C12orf42: variants seen among roughly 807,000 people sequenced by gnomAD.
The protein encoded by C12orf42 is chromosome 12 open reading frame 42.
Under a neutral mutation model 21.6 loss-of-function variants are expected in C12orf42, and 25 were observed. The ratio of observed to expected loss-of-function variants is 1.16; its 90% CI spans 0.84 to 1.62. C12orf42 has a LOEUF of 1.62. Ranked by LOEUF, C12orf42 falls within the 40% of genes most tolerant of loss-of-function variation. The pLI, the probability that C12orf42 is intolerant of heterozygous loss-of-function variation, is 0.00. For synonymous variants in C12orf42, 174 were observed against 175.0 expected (o/e 0.99, Z 0.05); for missense variants, 483 against 459.3 (o/e 1.05, Z -0.47).
chr12:103,192,078 A>T, the C12orf42 span, among the ~76,000 whole-genome samples: 4 of 152,238 alleles, frequency 2.6e-5, no homozygotes, highest in African/African-American at 9.6e-5. Flanking sequence ...GAACAAAAGA[A>T]CACAAACAGA....
chr12:103,543,822 T>C, the C12orf42 span, among the ~76,000 whole-genome samples: 1 of 152,132 alleles, frequency 6.6e-6, no homozygotes, highest in Admixed American at 6.5e-5. Flanking sequence ...AATATCTTTA[T>C]TATGCCACAA....
At chr12:103,487,207 T>C (rs989041790) in intron 1 of C12orf42, among the ~76,000 whole-genome samples, 5 of 152,220 alleles carry the variant, frequency 3.3e-5, no homozygotes, top group African/African-American at 7.2e-5. Context: ...TTCATTTCGT[T>C]ATTTACCCAG....
the C12orf42 span, among the ~76,000 whole-genome samples, chr12:103,161,138 C>T: frequency 6.6e-6 from 1 of 152,190 alleles, no homozygotes; most frequent in African/African-American, 2.4e-5. Context: ...GCTTTCCACT[C>T]TTGTGATTGC....
chr12:103,392,099 G>T (rs2047130186), intron 3 of C12orf42, among the ~76,000 whole-genome samples: 1 of 152,132 alleles, frequency 6.6e-6, no homozygotes, highest in Non-Finnish European at 1.5e-5. Flanking sequence ...TCCATTGAAT[G>T]ATCTTGGCAT....
chr12:103,483,606 C>T (rs531110903), intron 1 of C12orf42, among the ~76,000 whole-genome samples: 2 of 152,002 alleles, frequency 1.3e-5, no homozygotes, highest in South Asian at 4.2e-4. Context: ...AATCAAGCAG[C>T]CGTTTTTTTG....
intron 2 of C12orf42, among the ~76,000 whole-genome samples, chr12:103,474,452 G>GTATA (rs771163443): frequency 7.6e-6 from 1 of 130,908 alleles, no homozygotes; most frequent in African/African-American, 3.2e-5. Context: ...ATGTATGTAT[G>GTATA]TATGTGTGTG....
intron 2 of C12orf42, among the ~76,000 whole-genome samples, chr12:103,462,575 T>A (rs1221287142): frequency 6.6e-6 from 1 of 152,168 alleles, no homozygotes; most frequent in African/African-American, 2.4e-5. Context: ...ACAAAATATA[T>A]GTGTGCAAAG....
At chr12:103,056,639 T>C in the C12orf42 span, among the ~76,000 whole-genome samples, 1 of 152,162 alleles carries the variant, frequency 6.6e-6, no homozygotes, top group Non-Finnish European at 1.5e-5. Context: ...TGTTTATTTA[T>C]TGAGTTTGTT....
chr12:103,544,993 A>C, the C12orf42 span, among the ~76,000 whole-genome samples: 1 of 151,904 alleles, frequency 6.6e-6, no homozygotes, highest in Admixed American at 6.6e-5. Flanking sequence ...TTTTTCCCCC[A>C]CTTTCTCCAG....
At chr12:103,387,728 C>T (rs1186979324) in intron 3 of C12orf42, among the ~76,000 whole-genome samples, 2 of 152,228 alleles carry the variant, frequency 1.3e-5, no homozygotes, top group African/African-American at 2.4e-5. Flanking sequence ...TTTCGTCTTG[C>T]TCACTGTCTA....
chr12:103,448,184 A>T (rs1951698657), intron 2 of C12orf42, among the ~76,000 whole-genome samples: 1 of 151,968 alleles, frequency 6.6e-6, no homozygotes, highest in African/African-American at 2.4e-5. Context: ...CAAAAACATG[A>T]AGTCGGGAAA....
intron 4 of C12orf42, among the ~76,000 whole-genome samples, chr12:103,326,399 GC>G (rs1436058214): frequency 6.6e-6 from 1 of 152,184 alleles, no homozygotes; most frequent in Non-Finnish European, 1.5e-5. Flanking sequence ...CCTTTTAAAA[GC>G]TAAATCAGAT....
At chr12:103,196,585 T>C in the C12orf42 span, among the ~76,000 whole-genome samples, 217 of 152,290 alleles carry the variant, frequency 1.4e-3, no homozygotes, top group African/African-American at 4.6e-3. Flanking sequence ...AGAATTTGTT[T>C]TATGAATCTA....
the C12orf42 span, among the ~76,000 whole-genome samples, chr12:103,528,096 G>T: frequency 6.6e-6 from 1 of 152,160 alleles, no homozygotes; most frequent in African/African-American, 2.4e-5. Context: ...CTTACTATAG[G>T]CATGTAATAG....
At chr12:103,098,091 T>C in the C12orf42 span, among the ~76,000 whole-genome samples, 10 of 152,256 alleles carry the variant, frequency 6.6e-5, no homozygotes, top group Admixed American at 5.9e-4. Flanking sequence ...AAAGCAGTTC[T>C]AGCATTACAA....
the C12orf42 span, among the ~76,000 whole-genome samples, chr12:103,556,140 G>T: frequency 6.6e-6 from 1 of 152,150 alleles, no homozygotes; most frequent in Admixed American, 6.5e-5. Context: ...AAGCTTTGGA[G>T]TCACCCACCC....
intron 4 of C12orf42, among the ~76,000 whole-genome samples, chr12:103,335,514 G>C (rs1047224315): frequency 1.3e-5 from 2 of 152,158 alleles, no homozygotes; most frequent in Non-Finnish European, 2.9e-5. Context: ...ACCTAAGTTT[G>C]CATCTATTTT....
intron 2 of C12orf42, among the ~76,000 whole-genome samples, chr12:103,403,865 C>T (rs552434334): frequency 5.9e-5 from 9 of 152,346 alleles, no homozygotes; most frequent in African/African-American, 9.6e-5. Flanking sequence ...TCCCAAACCA[C>T]CCTGCTCTGA....
At chr12:103,206,945 G>A in the C12orf42 span, among the ~76,000 whole-genome samples, 2 of 152,184 alleles carry the variant, frequency 1.3e-5, no homozygotes, top group Non-Finnish European at 2.9e-5. Context: ...GGGAAACTGA[G>A]TGCTGCTAGA....
Sources: allele counts gnomAD v4.1 joint callset (sites outside exome capture counted in the v4.1 genomes callset), GRCh38; gene constraint gnomAD v4.1.1; transcripts MANE v1.5; gene names NCBI Gene and HGNC (gene_info 2026-07-23, HGNC 2026-07-21).